Variants in PLEKHH3 observed in about 807,000 individuals in gnomAD.
PLEKHH3 encodes the protein pleckstrin homology, MyTH4 and FERM domain containing H3, also known as pleckstrin homology domain-containing family H member 3.
A neutral mutation model predicts 77.8 loss-of-function variants in PLEKHH3; 57 were observed. That is an observed-to-expected ratio of 0.73 (90% CI 0.59 to 0.91). PLEKHH3 has a LOEUF of 0.91. PLEKHH3 is among the 40% of genes least tolerant of loss of function. PLEKHH3 has a pLI of 0.00. For missense variants in PLEKHH3, 1,082 were observed against 1,091.2 expected, an observed-to-expected ratio of 0.99 and a Z score of 0.12; for synonymous variants, 467 against 504.8, an observed-to-expected ratio of 0.93 and a Z score of 1.00.
At position 42,676,010 on chromosome 17, in the gene PLEKHH3, C is replaced by T; in HGVS notation, c.162+392G>A. ...CGCATCTGGCCTCCGCACTTGCGAACTGGGAGCGGAGGGGGACCCAGGCGT... is the reference window on the plus strand; with the variant it reads ...CGCATCTGGCCTCCGCACTTGCGAATTGGGAGCGGAGGGGGACCCAGGCGT... On this transcript the variant is annotated intron_variant, in intron 1 of 12. Transcript: ENST00000591022. The surrounding 1 kb of genome is among the most constrained non-coding windows in gnomAD (Gnocchi z 6.6). 1 of 1,078,212 alleles carries T rather than the reference C, an allele frequency of 9.3e-7. No individual in the cohort carries two copies. Among genetic ancestry groups the T allele is most frequent in the Non-Finnish European group, 1.1e-6 (1 of 888,890 alleles). 66.8% of individuals were successfully genotyped at this position (1,078,212 alleles called of 1,614,324 possible).
At position 42,676,813 on chromosome 17, in the gene PLEKHH3, G is replaced by T. The variant is rs1024044615; in HGVS notation, c.-250C>A. 5.3e-6 allele frequency: 3 copies of T among 569,522 alleles called. No individual in the cohort carries two copies. Among genetic ancestry groups the T allele is most frequent in the Non-Finnish European group, 9.4e-6 (3 of 319,364 alleles). 35.3% of individuals were successfully genotyped at this position (569,522 alleles called of 1,614,324 possible). On this transcript the variant is annotated 5_prime_UTR_variant, in exon 1 of 13. Coordinates refer to ENST00000591022, the MANE Select transcript of PLEKHH3 (RefSeq NM_024927.5). The surrounding 1 kb of genome is among the most constrained non-coding windows in gnomAD (Gnocchi z 6.6). Reference sequence around the variant, plus strand: ...AAGCGTCCAGGGCCCCGGGAGAGGAGGGAGCAATGTCCGGAGCTGGGAAGT... The same window carrying T: ...AAGCGTCCAGGGCCCCGGGAGAGGATGGAGCAATGTCCGGAGCTGGGAAGT...
Position 42,676,620 on chromosome 17 carries a change from C to G in PLEKHH3, c.-57G>C. Reference sequence around the variant, plus strand: ...CAGCCGCGGCCGAGCAGTAGGGGGTCGGAGGAACTGGCGGGGCTCCGACCC... The same window carrying G: ...CAGCCGCGGCCGAGCAGTAGGGGGTGGGAGGAACTGGCGGGGCTCCGACCC... On this transcript the variant is annotated 5_prime_UTR_variant, in exon 1 of 13. Transcript: ENST00000591022. The surrounding 1 kb of genome is among the most constrained non-coding windows in gnomAD (Gnocchi z 6.6). 4.0e-6 allele frequency: 6 copies of G among 1,509,604 alleles called. No individual in the cohort carries two copies. Among genetic ancestry groups the G allele is most frequent in the Admixed American group, 2.0e-5 (1 of 50,648 alleles). 93.5% of individuals were successfully genotyped at this position (1,509,604 alleles called of 1,614,324 possible).
chr17:42,669,210 C>T lies in PLEKHH3; in HGVS notation c.2205+220G>A, dbSNP rs73301678. 4.0e-3 allele frequency: 1,741 copies of T among 439,820 alleles called. 40 individuals are homozygous for T. Among genetic ancestry groups the T allele is most frequent in the African/African-American group, 0.032 (1,585 of 49,356 alleles). 27.2% of individuals were successfully genotyped at this position (439,820 alleles called of 1,614,324 possible). A position where few individuals can be genotyped will look rare whatever the true frequency, so the allele number is the denominator to read the frequency against. ...AGAACCCTTCCCTGGCTTCCTGTCA[C>T]ATCACTCTTTCCTTTGTAGCATTTC... On this transcript the variant is annotated intron_variant, in intron 12 of 12. Coordinates refer to ENST00000591022, the MANE Select transcript of PLEKHH3 (RefSeq NM_024927.5).
At chr17:42,672,033 C>T in intron 7 of PLEKHH3, 53 bp downstream of exon 7, 1 of 1,400,946 alleles carries the variant, frequency 7.1e-7, no homozygotes. Flanking sequence ...TTCATTCTCT[C>T]CCAGCCCGGT....
chr17:42,669,560 A>T lies in PLEKHH3; in HGVS notation c.2075T>A (p.Leu692His), dbSNP rs1326484835. Reference protein sequence around the residue: ...CLGLGAKAMSLSRPGETEPIH... With the variant: ...CLGLGAKAMSHSRPGETEPIH... Reference sequence around the variant, plus strand: ...GGGCTCCGTCTCCCCTGGCCGGGAGAGGGACATGGCCTTGGCTCCCAAGCC... The same window carrying T: ...GGGCTCCGTCTCCCCTGGCCGGGAGTGGGACATGGCCTTGGCTCCCAAGCC... The change falls in exon 12 of 13, where the codon CTC (leucine) becomes CAC (histidine). Residue 692 changes from leucine (L) to histidine (H), a missense_variant. Coordinates refer to ENST00000591022, the MANE Select transcript of PLEKHH3 (RefSeq NM_024927.5). The T allele has an allele frequency of 6.2e-7, 1 of 1,611,820 alleles. No individual in the cohort carries two copies. Among genetic ancestry groups the T allele is most frequent in the Non-Finnish European group, 8.5e-7 (1 of 1,178,996 alleles).
At chr17:42,674,264 A>G in intron 2 of PLEKHH3, 90 bp downstream of exon 2, 1 of 1,427,058 alleles carries the variant, frequency 7.0e-7, no homozygotes. Flanking sequence ...CCTCTCCCTT[A>G]TTGCACAACC....
At chr17:42,674,271 A>C in intron 2 of PLEKHH3, 83 bp downstream of exon 2, 1 of 1,452,668 alleles carries the variant, frequency 6.9e-7, no homozygotes, top group Non-Finnish European at 9.3e-7. Context: ...CTTATTGCAC[A>C]ACCGCTAGGG....
In PLEKHH3 at chr17:42,673,802, C is replaced by A. The variant is rs760630135; in HGVS notation, c.331G>T (p.Ala111Ser). 11 of 1,589,124 alleles carry A rather than the reference C, an allele frequency of 6.9e-6. No individual in the cohort carries two copies. Among genetic ancestry groups the A allele is most frequent in the African/African-American group, 4.0e-5 (3 of 74,496 alleles). Residue 111 changes from alanine (A) to serine (S), a missense_variant, in exon 4 of 13, where the codon GCG (alanine) becomes TCG (serine). By Grantham distance (99) the Ala-to-Ser change is moderately conservative. Around this residue, in one of 3 missense-constraint regions of PLEKHH3, gnomAD observed 344 missense variants for 320.8 expected, o/e 1.07. Transcript: ENST00000591022. ...CGGCGCGGGGGCAGCCAGGGCCGCG[C>A]CCCTCCTCCGCGGGGCTCCCGGTAC... Reference protein sequence around the residue: ...WLYREPRGGGARPWLPPRRAW... With the variant: ...WLYREPRGGGSRPWLPPRRAW...
intron 1 of PLEKHH3, among the ~76,000 whole-genome samples, chr17:42,675,650 C>T (rs2052806083): frequency 6.6e-6 from 1 of 152,162 alleles, no homozygotes; most frequent in East Asian, 1.9e-4. Flanking sequence ...GAGCCTGACC[C>T]GGGCCACAGC....
intron 6 of PLEKHH3, 103 bp downstream of exon 6, chr17:42,673,073 G>T (rs543423928): frequency 1.1e-5 from 15 of 1,376,646 alleles, no homozygotes; most frequent in Non-Finnish European, 1.3e-5. Flanking sequence ...GGAGCTGGCA[G>T]GTCCATGAAG....
chr17:42,672,146 A>T lies in PLEKHH3; in HGVS notation c.1016T>A (p.Met339Lys). The T allele has an allele frequency of 6.5e-7, 1 of 1,543,172 alleles. No individual in the cohort carries two copies. Among genetic ancestry groups the T allele is most frequent in the Non-Finnish European group, 8.8e-7 (1 of 1,141,254 alleles). ...ALRYWQLLTC[M>K]SCTFRPGGAV... ...TCCCCCAGGTCGGAAGGTGCAGCTC[A>T]TGCAGGTGAGGAGTTGCCAGTACCG... Residue 339 changes from methionine (M) to lysine (K), a missense_variant, in exon 7 of 13, where the codon ATG becomes AAG. This residue lies in a region of PLEKHH3 where 733 missense variants were observed against 750.0 expected (regional missense o/e 0.98). Transcript: ENST00000591022.
At position 42,673,535 on chromosome 17, in the gene PLEKHH3, G is replaced by T. The variant is rs1597793460; in HGVS notation, c.512C>A (p.Ser171Tyr). 3 of 1,596,918 alleles carry T rather than the reference G, an allele frequency of 1.9e-6. No homozygotes were observed. The highest frequency in any genetic ancestry group is 8.5e-7 in the Non-Finnish European group (1 of 1,173,270). Reference sequence around the variant, plus strand: ...GAGGCGGACACTGTGTTTCCGACCAGACACAGTCACTGACCACAGACCTGG... The same window carrying T: ...GAGGCGGACACTGTGTTTCCGACCATACACAGTCACTGACCACAGACCTGG... ...KETGLWSVTV[S>Y]GRKHSVRLCS... is the part of the protein sequence containing the mutation. Residue 171 changes from serine to tyrosine, a missense_variant, in exon 5 of 13, where the codon TCT becomes TAT. By Grantham distance (144) the Ser-to-Tyr change is moderately radical. This residue lies in a region of PLEKHH3 where 344 missense variants were observed against 320.8 expected (regional missense o/e 1.07). Transcript: ENST00000591022.
chr17:42,674,206 C>T (rs2052771072), intron 2 of PLEKHH3, 148 bp downstream of exon 2: 1 of 1,138,868 alleles, frequency 8.8e-7, no homozygotes, highest in Non-Finnish European at 1.2e-6. Flanking sequence ...CGCCCCCAGC[C>T]GGACCGCCCC....
Position 42,670,337 on chromosome 17 carries a change from C to CGG in PLEKHH3, c.1592_1593dup (p.Asp532ProfsTer139). The CGG allele has an allele frequency of 7.2e-7, 1 of 1,395,358 alleles. No homozygotes were observed. The highest frequency in any genetic ancestry group is 9.2e-7 in the Non-Finnish European group (1 of 1,082,532). 86.4% of individuals were successfully genotyped at this position (1,395,358 alleles called of 1,614,324 possible). On this transcript the variant is annotated frameshift_variant, in exon 11 of 13. Coordinates refer to ENST00000591022, the MANE Select transcript of PLEKHH3 (RefSeq NM_024927.5). LOFTEE classifies it high-confidence loss of function. ...GCCGCCAGGGCGCGCAGCGTGTCGTCGGGTGGGGGCGGCCGGCCCCGCAGC... is the reference window on the plus strand; with the variant it reads ...GCCGCCAGGGCGCGCAGCGTGTCGTCGGGGGTGGGGGCGGCCGGCCCCGCAGC...
chr17:42,672,375 G>T lies in PLEKHH3; in HGVS notation c.787C>A (p.Leu263Met), dbSNP rs1022778043. Residue 263 changes from leucine to methionine, a missense_variant, in exon 7 of 13, where the codon CTG becomes ATG. Leu to Met is a conservative substitution (Grantham distance 15). This residue lies in a region of PLEKHH3 where 733 missense variants were observed against 750.0 expected (regional missense o/e 0.98). Coordinates refer to ENST00000591022, the MANE Select transcript of PLEKHH3 (RefSeq NM_024927.5). Reference protein sequence around the residue: ...VSAPGPGYAPLREEAVRLFLA... With the variant: ...VSAPGPGYAPMREEAVRLFLA... ...AACAGCCGCACCGCCTCCTCGCGCA[G>T]GGGTGCATAGCCCGGACCTGTGGGA... 3.3e-6 allele frequency: 5 copies of T among 1,531,694 alleles called. No individual in the cohort carries two copies. Among genetic ancestry groups the T allele is most frequent in the Non-Finnish European group, 4.4e-6 (5 of 1,141,316 alleles). The allele number at this position is 1,531,694 out of a possible 1,614,324, so 94.9% of individuals were successfully genotyped here. A position where few individuals can be genotyped will look rare whatever the true frequency, so the allele number is the denominator to read the frequency against.
chr17:42,676,235 G>A lies in PLEKHH3; in HGVS notation c.162+167C>T. ...GGCCCACAGGCACATCCCGAGTAGGGCTGCTGCTCCGAGAGCTCCCGGGGG... is the reference window on the plus strand; with the variant it reads ...GGCCCACAGGCACATCCCGAGTAGGACTGCTGCTCCGAGAGCTCCCGGGGG... On this transcript the variant is annotated intron_variant, in intron 1 of 12. Coordinates refer to ENST00000591022, the MANE Select transcript of PLEKHH3 (RefSeq NM_024927.5). The surrounding 1 kb of genome is among the most constrained non-coding windows in gnomAD (Gnocchi z 6.6). 7.2e-7 allele frequency: 1 copy of A among 1,398,242 alleles called. No individual in the cohort carries two copies. The highest frequency in any genetic ancestry group is 9.4e-7 in the Non-Finnish European group (1 of 1,063,736). 86.6% of individuals were successfully genotyped at this position (1,398,242 alleles called of 1,614,324 possible).
In PLEKHH3 at chr17:42,670,653, G is replaced by GT. The variant is rs1158672816; in HGVS notation, c.1473dup (p.Leu492ThrfsTer12). The GT allele has an allele frequency of 6.2e-7, 1 of 1,613,246 alleles. No homozygotes were observed. The highest frequency in any genetic ancestry group is 8.5e-7 in the Non-Finnish European group (1 of 1,179,908). On this transcript the variant is annotated frameshift_variant, in exon 10 of 13. Transcript: ENST00000591022. LOFTEE classifies it high-confidence loss of function. ...AGAGGTCCGTGAAGACGCAGACATA[G>GT]TCTCCACCCGGAGTCGGGCGAGTCC...
At chr17:42,675,319 G>A (rs1597795749) in intron 1 of PLEKHH3, among the ~76,000 whole-genome samples, 1 of 152,106 alleles carries the variant, frequency 6.6e-6, no homozygotes, top group Non-Finnish European at 1.5e-5. Context: ...GAGCATGAGG[G>A]AGGCAATGGC....
At position 42,669,329 on chromosome 17, in the gene PLEKHH3, C is replaced by T. The variant is rs1263909777; in HGVS notation, c.2205+101G>A. The T allele has an allele frequency of 9.1e-6, 11 of 1,215,116 alleles. No individual in the cohort carries two copies. The East Asian group carries it at 2.8e-4, about 31-fold the overall frequency. 75.3% of individuals were successfully genotyped at this position (1,215,116 alleles called of 1,614,324 possible). On this transcript the variant is annotated intron_variant, in intron 12 of 12. Coordinates refer to ENST00000591022, the MANE Select transcript of PLEKHH3 (RefSeq NM_024927.5). Reference sequence around the variant, plus strand: ...TTGTCTGTGATCACTGCTGGATCCCCAGTGCTTAGAGCTCTACCTGGCCCA... The same window carrying T: ...TTGTCTGTGATCACTGCTGGATCCCTAGTGCTTAGAGCTCTACCTGGCCCA...
Sources: allele counts gnomAD v4.1 joint callset (sites outside exome capture counted in the v4.1 genomes callset), GRCh38; gene constraint gnomAD v4.1.1; regional missense constraint gnomAD v4.1.1; non-coding constraint Gnocchi (gnomAD v3.1); transcripts MANE v1.5; gene names NCBI Gene and HGNC (gene_info 2026-07-23, HGNC 2026-07-21).